The following DYNC1I1 variants were observed in gnomAD, a reference collection of about 807,000 sequenced individuals.
DYNC1I1 encodes the protein cytoplasmic dynein 1 intermediate chain 1.
Under a neutral mutation model 86.6 loss-of-function variants are expected in DYNC1I1, and 43 were observed. The observed-to-expected ratio is 0.50, with a 90% CI of 0.39 to 0.64. The LOEUF (loss-of-function observed/expected upper bound fraction) is 0.64, where lower values mean the gene tolerates loss of function less well. Among genes scored for constraint, DYNC1I1 ranks in the 30% least tolerant of loss-of-function variants. The pLI is 0.00. For synonymous variants in DYNC1I1, 262 were observed against 283.7 expected (o/e 0.92, Z 0.77); for missense variants, 604 against 788.8 (o/e 0.77, Z 2.81).
intron 5 of DYNC1I1, among the ~76,000 whole-genome samples, chr7:95,868,807 C>T (rs1790083790): frequency 1.3e-5 from 2 of 152,126 alleles, no homozygotes; most frequent in Admixed American, 1.3e-4. Context: ...CTCCGTTTTA[C>T]AGATGAGGAA....
intron 1 of DYNC1I1, among the ~76,000 whole-genome samples, chr7:95,785,708 C>T (rs538361580): frequency 4.8e-5 from 7 of 145,910 alleles, no homozygotes; most frequent in South Asian, 2.2e-4. Flanking sequence ...TATATATATA[C>T]ACTGTTGTAT....
At chr7:96,011,689 C>T (rs192912997) in intron 10 of DYNC1I1, among the ~76,000 whole-genome samples, 16 of 152,248 alleles carry the variant, frequency 1.1e-4, no homozygotes, top group Admixed American at 3.3e-4. Context: ...TAGAAAATTT[C>T]GAAGTGGTGG....
chr7:95,863,938 T>A (rs1789954984), intron 5 of DYNC1I1, among the ~76,000 whole-genome samples: 1 of 152,210 alleles, frequency 6.6e-6, no homozygotes, highest in African/African-American at 2.4e-5. Context: ...AAAATATCAT[T>A]CACGTTTTTC....
chr7:96,019,291 T>G (rs1053668852), intron 10 of DYNC1I1, among the ~76,000 whole-genome samples: 1 of 152,132 alleles, frequency 6.6e-6, no homozygotes, highest in African/African-American at 2.4e-5. Context: ...CTAACTGAAA[T>G]TTTATATCCT....
At chr7:95,801,089 A>G (rs1357895154) in intron 1 of DYNC1I1, among the ~76,000 whole-genome samples, 1 of 152,208 alleles carries the variant, frequency 6.6e-6, no homozygotes, top group Admixed American at 6.5e-5. Context: ...GAGGTTCCTT[A>G]TTCTCCTAGA....
intron 5 of DYNC1I1, among the ~76,000 whole-genome samples, chr7:95,839,113 C>G (rs1789203996): frequency 6.6e-6 from 1 of 152,152 alleles, no homozygotes; most frequent in South Asian, 2.1e-4. Context: ...TCACTGCAAC[C>G]TCCGCCTCCC....
At chr7:95,979,313 G>A (rs1793393361) in intron 7 of DYNC1I1, among the ~76,000 whole-genome samples, 1 of 152,190 alleles carries the variant, frequency 6.6e-6, no homozygotes, top group Admixed American at 6.5e-5. Context: ...TACAGACTAA[G>A]TTAGTTTAAC....
downstream of DYNC1I1, among the ~76,000 whole-genome samples, chr7:96,099,913 T>G (rs942259246): frequency 6.6e-6 from 1 of 152,100 alleles, no homozygotes; most frequent in Non-Finnish European, 1.5e-5. Flanking sequence ...ACAACTACCC[T>G]GAGACTTCCA....
chr7:95,984,669 T>C (rs1793538849), intron 7 of DYNC1I1, 146 bp from the exon 8 acceptor site: 3 of 680,238 alleles, frequency 4.4e-6, no homozygotes, highest in Middle Eastern at 4.2e-4. Context: ...TAATTTAGAA[T>C]CAATATTAGC....
intron 6 of DYNC1I1, among the ~76,000 whole-genome samples, chr7:95,883,324 G>A (rs1463658957): frequency 6.6e-6 from 1 of 152,100 alleles, no homozygotes; most frequent in East Asian, 1.9e-4. Flanking sequence ...ATTGTTAAGT[G>A]GTTCTATCTG....
chr7:96,014,364 A>T (rs1362935489), intron 10 of DYNC1I1, among the ~76,000 whole-genome samples: 1 of 152,162 alleles, frequency 6.6e-6, no homozygotes, highest in Non-Finnish European at 1.5e-5. Flanking sequence ...CCCAGCAGAC[A>T]TGTAAGGTTC....
chr7:96,002,373 G>A (rs1452110241), intron 10 of DYNC1I1, among the ~76,000 whole-genome samples: 1 of 152,196 alleles, frequency 6.6e-6, no homozygotes, highest in Non-Finnish European at 1.5e-5. Context: ...TGATGATGAG[G>A]TATTTTCTGA....
At chr7:96,021,969 G>A (rs1382921839) in intron 10 of DYNC1I1, among the ~76,000 whole-genome samples, 5 of 152,130 alleles carry the variant, frequency 3.3e-5, no homozygotes, top group Non-Finnish European at 7.4e-5. Context: ...GTGGACATTA[G>A]TGCACAAGTT....
chr7:95,797,826 A>G (rs983964840), intron 1 of DYNC1I1, among the ~76,000 whole-genome samples: 2 of 152,216 alleles, frequency 1.3e-5, no homozygotes, highest in African/African-American at 4.8e-5. Context: ...ATATACTTTA[A>G]CTAAAATAAC....
At chr7:95,819,050 T>C (rs2706878) in intron 4 of DYNC1I1, 97,071 of 151,898 alleles carry the variant, frequency 0.64, 31,686 homozygotes, top group African/African-American at 0.77. Context: ...GAGGCCCCTC[T>C]CAAGGGTACC....
chr7:96,107,132 T>C (rs1461319806), intron 16 of DYNC1I1, among the ~76,000 whole-genome samples: 1 of 152,064 alleles, frequency 6.6e-6, no homozygotes, highest in Non-Finnish European at 1.5e-5. Context: ...GTTCAAGTCA[T>C]GTTCATTCCT....
At chr7:95,921,750 C>G (rs1441440422) in intron 6 of DYNC1I1, among the ~76,000 whole-genome samples, 1 of 152,148 alleles carries the variant, frequency 6.6e-6, no homozygotes, top group African/African-American at 2.4e-5. Flanking sequence ...TGTCGTTTTC[C>G]TCTTTAAAAT....
Position 95,869,904 on chromosome 7 carries a change from C to T in DYNC1I1, c.396C>T (p.Gly132=), listed in dbSNP as rs750057492. 12 of 1,613,884 alleles carry T rather than the reference C, an allele frequency of 7.4e-6. No homozygotes were observed. The highest frequency in any genetic ancestry group is 3.3e-5 in the South Asian group (3 of 91,018). ...ACAGAAGAAGACTGCATAAACTGGG[C>T]GTGTCAAAGGTCACCCAAGTGGATT... The part of the protein sequence containing the change: ...SELGRRLHKL[G]VSKVTQVDFL... Residue 132 remains glycine, a synonymous_variant, in exon 6 of 17, where the codon GGC becomes GGT. Coordinates refer to ENST00000447467, the MANE Select transcript of DYNC1I1 (RefSeq NM_001135556.2).
intron 6 of DYNC1I1, among the ~76,000 whole-genome samples, chr7:95,871,012 A>G (rs1003342494): frequency 6.6e-6 from 1 of 152,224 alleles, no homozygotes; most frequent in African/African-American, 2.4e-5. Context: ...AAATGCAAAA[A>G]TGATTAGCAT....
Sources: gnomAD v4.1 joint callset for allele counts (sites outside exome capture counted in the v4.1 genomes callset) on GRCh38, gnomAD v4.1.1 for gene constraint, MANE v1.5 for transcripts, NCBI Gene and HGNC (gene_info 2026-07-23, HGNC 2026-07-21) for gene names.